The following NAALADL2 variants were observed in gnomAD, a reference collection of about 807,000 sequenced individuals.
NAALADL2 encodes N-acetylated alpha-linked acidic dipeptidase like 2.
NAALADL2 carries 76 observed loss-of-function variants against 87.2 expected under a neutral mutation model. The ratio of observed to expected loss-of-function variants is 0.87; its 90% CI spans 0.72 to 1.05. The LOEUF (loss-of-function observed/expected upper bound fraction) is 1.05. Among genes scored for constraint, NAALADL2 ranks in the 50% least tolerant of loss-of-function variants. The probability of loss-of-function intolerance (pLI) is 0.00; values close to 1 mark genes in which losing one functional copy is unlikely to be tolerated. For synonymous variants in NAALADL2, 354 were observed against 331.0 expected (o/e 1.07, Z -0.75); for missense variants, 1,089 against 945.8 (o/e 1.15, Z -1.99).
At chr3:174,806,450 C>G (rs1279796827) in intron 3 of NAALADL2, among the ~76,000 whole-genome samples, 1 of 152,174 alleles carries the variant, frequency 6.6e-6, no homozygotes, top group Non-Finnish European at 1.5e-5. Flanking sequence ...TGCTCTTGAG[C>G]CTAATCACTG....
rs1724205735 is a variant in NAALADL2 at position 175,111,598 on chromosome 3, A to G, written c.545+14307A>G. ...AAATAAAAGAAACAAAATTTGAAAA[A>G]TGGTTTTCATTTGCTCCTGAGTTAG... On this transcript the variant is annotated intron_variant, in intron 2 of 13. Coordinates refer to ENST00000454872, the MANE Select transcript of NAALADL2 (RefSeq NM_207015.3). Among the ~76,000 whole-genome samples, 17 of 151,718 alleles carry G rather than the reference A, an allele frequency of 1.1e-4. No individual in the cohort carries two copies. In the Admixed American group the frequency reaches 1.1e-3, roughly 10 times the overall value.
chr3:175,622,765 T>G (rs1264114644), intron 10 of NAALADL2, among the ~76,000 whole-genome samples: 1 of 152,122 alleles, frequency 6.6e-6, no homozygotes, highest in African/African-American at 2.4e-5. Flanking sequence ...TATATATGAA[T>G]AAAAATTAAA....
At chr3:174,611,276 T>A (rs1388703058) in intron 2 of NAALADL2, among the ~76,000 whole-genome samples, 1 of 152,026 alleles carries the variant, frequency 6.6e-6, no homozygotes, top group Non-Finnish European at 1.5e-5. Flanking sequence ...GTAACTAACC[T>A]GCACATTGTG....
chr3:175,118,019 A>G (rs960822929), intron 2 of NAALADL2, among the ~76,000 whole-genome samples: 4 of 152,082 alleles, frequency 2.6e-5, no homozygotes, highest in African/African-American at 4.8e-5. Flanking sequence ...GCAAGGACAG[A>G]AAATCAAACA....
intron 1 of NAALADL2, among the ~76,000 whole-genome samples, chr3:174,995,841 G>A (rs1457451547): frequency 6.7e-6 from 1 of 149,502 alleles, no homozygotes; most frequent in Non-Finnish European, 1.5e-5. Flanking sequence ...TTCCAAAAAC[G>A]AATAACACCC....
At chr3:175,756,571 A>C (rs2150136517) in intron 13 of NAALADL2, among the ~76,000 whole-genome samples, 1 of 152,292 alleles carries the variant, frequency 6.6e-6, no homozygotes, top group Admixed American at 6.5e-5. Flanking sequence ...ATAACTCTGA[A>C]ACAGAAAATC....
chr3:174,586,238 G>C (rs1164019417), intron 2 of NAALADL2, among the ~76,000 whole-genome samples: 1 of 152,082 alleles, frequency 6.6e-6, no homozygotes. Context: ...CTTTAGAGAT[G>C]GTATTCAGTT....
intron 2 of NAALADL2, among the ~76,000 whole-genome samples, chr3:174,668,392 A>G (rs899429001): frequency 6.6e-6 from 1 of 150,708 alleles, no homozygotes; most frequent in African/African-American, 2.4e-5. Flanking sequence ...TTTGCTTTCT[A>G]TGTTTTCCTC....
At chr3:175,225,179 C>T (rs1451065424) in intron 2 of NAALADL2, among the ~76,000 whole-genome samples, 1 of 152,048 alleles carries the variant, frequency 6.6e-6, no homozygotes, top group African/African-American at 2.4e-5. Context: ...AGAGAGATGA[C>T]ATCTAAAAAT....
chr3:174,567,465 C>T (rs1483449136), intron 2 of NAALADL2, among the ~76,000 whole-genome samples: 5 of 150,920 alleles, frequency 3.3e-5, no homozygotes, highest in Admixed American at 3.3e-4. Context: ...GAGCATTTTC[C>T]CTAGTCATAT....
At chr3:175,292,263 T>C (rs1157188301) in intron 4 of NAALADL2, among the ~76,000 whole-genome samples, 1 of 152,112 alleles carries the variant, frequency 6.6e-6, no homozygotes. Context: ...ACCCAGCAAA[T>C]AACTTTTAAG....
At chr3:175,173,356 G>A (rs1295178114) in intron 2 of NAALADL2, among the ~76,000 whole-genome samples, 2 of 151,456 alleles carry the variant, frequency 1.3e-5, no homozygotes, top group Admixed American at 1.3e-4. Flanking sequence ...AAATAAGCAA[G>A]CCAGGCATGT....
chr3:175,631,554 A>C, intron 11 of NAALADL2, among the ~76,000 whole-genome samples: 1 of 151,772 alleles, frequency 6.6e-6, no homozygotes, highest in East Asian at 1.9e-4. Context: ...TATTGATGCC[A>C]ATAGGTGTAA....
intron 1 of NAALADL2, among the ~76,000 whole-genome samples, chr3:175,074,923 G>T (rs1380811766): frequency 6.9e-6 from 1 of 145,194 alleles, no homozygotes; most frequent in Non-Finnish European, 1.5e-5. Context: ...AGGAGAAGGA[G>T]GAGGAGGAAG....
intron 2 of NAALADL2, among the ~76,000 whole-genome samples, chr3:174,630,568 C>G (rs929961164): frequency 1.3e-5 from 2 of 152,112 alleles, no homozygotes; most frequent in African/African-American, 4.8e-5. Context: ...CAGGCTGTAT[C>G]TTTCTTTATT....
At chr3:174,640,087 G>C (rs1455061448) in intron 2 of NAALADL2, among the ~76,000 whole-genome samples, 2 of 152,152 alleles carry the variant, frequency 1.3e-5, no homozygotes, top group African/African-American at 4.8e-5. Flanking sequence ...TCCACGTTAG[G>C]GGGAGGGAAG....
rs534464056 is a variant in NAALADL2, at chr3:175,586,155, AT to A, written c.1800+9972del. Among the ~76,000 whole-genome samples the A allele has an allele frequency of 1.9e-4, 29 of 152,252 alleles. No homozygotes were observed. The East Asian group carries it at 5.0e-3, about 26-fold the overall frequency. On this transcript the variant is annotated intron_variant, in intron 10 of 13. Transcript: ENST00000454872. ...TCTTGAATCTCCACAACTTAATCTT[AT>A]TTTATTTACATCGGGAATGGCAGGT...
chr3:174,593,389 A>G (rs1407577950), intron 2 of NAALADL2, among the ~76,000 whole-genome samples: 1 of 152,126 alleles, frequency 6.6e-6, no homozygotes, highest in Non-Finnish European at 1.5e-5. Flanking sequence ...CTTTTGAGGA[A>G]GGCACTGCTA....
At chr3:174,953,899 G>A (rs1579702371) in intron 1 of NAALADL2, among the ~76,000 whole-genome samples, 2 of 151,714 alleles carry the variant, frequency 1.3e-5, no homozygotes, top group East Asian at 1.9e-4. Flanking sequence ...CATACACTCC[G>A]TTCTCTGTCC....
Sources: gnomAD v4.1 joint callset for allele counts (sites outside exome capture counted in the v4.1 genomes callset) on GRCh38, gnomAD v4.1.1 for gene constraint, MANE v1.5 for transcripts, NCBI Gene and HGNC (gene_info 2026-07-23, HGNC 2026-07-21) for gene names.